The following ATP6V0A2 variants were observed in gnomAD, a reference collection of about 807,000 sequenced individuals.
ATP6V0A2 encodes V-type proton ATPase 116 kDa subunit a 2.
ATP6V0A2 carries 58 observed loss-of-function variants against 104.4 expected under a neutral mutation model. The observed-to-expected ratio is 0.56, with a 90% CI of 0.45 to 0.69. The LOEUF (loss-of-function observed/expected upper bound fraction) is 0.69, where lower values mean the gene tolerates loss of function less well. Ranked by LOEUF, ATP6V0A2 falls within the 30% of genes least tolerant of loss-of-function variation. ATP6V0A2 has a pLI of 0.00. For synonymous variants in ATP6V0A2, 376 were observed against 397.9 expected (o/e 0.95, Z 0.65); for missense variants, 938 against 1,062.9 (o/e 0.88, Z 1.63).
chr12:123,755,908 T>C (rs1019241751), intron 18 of ATP6V0A2, among the ~76,000 whole-genome samples: 1 of 151,632 alleles, frequency 6.6e-6, no homozygotes, highest in African/African-American at 2.4e-5. Flanking sequence ...CGTGAAACCC[T>C]GTCTCTACTA....
At chr12:123,748,374 C>CA (rs1303585270) in intron 14 of ATP6V0A2, among the ~76,000 whole-genome samples, 1 of 152,176 alleles carries the variant, frequency 6.6e-6, no homozygotes, top group Non-Finnish European at 1.5e-5. Flanking sequence ...GATTTGACCG[C>CA]AAAAACTGTA....
intron 7 of ATP6V0A2, among the ~76,000 whole-genome samples, chr12:123,735,141 T>TTGTGTGTG (rs1566281667): frequency 1.5e-4 from 12 of 80,464 alleles, no homozygotes; most frequent in African/African-American, 5.7e-4. Context: ...CCTTTTGTTT[T>TTGTGTGTG]CGTGTGTGTG....
At chr12:123,751,958 T>G (rs1956719407) in intron 16 of ATP6V0A2, among the ~76,000 whole-genome samples, 2 of 151,510 alleles carry the variant, frequency 1.3e-5, no homozygotes, top group Non-Finnish European at 2.9e-5. Context: ...CCCTCCGGGT[T>G]CAAGCAATTC....
intron 17 of ATP6V0A2, among the ~76,000 whole-genome samples, chr12:123,752,766 A>T (rs1180398807): frequency 6.6e-6 from 1 of 152,106 alleles, no homozygotes; most frequent in African/African-American, 2.4e-5. Context: ...TTGCGAAGGG[A>T]TTTTACTGGC....
chr12:123,730,080 C>A (rs1352923237), intron 6 of ATP6V0A2, among the ~76,000 whole-genome samples: 2 of 102,064 alleles, frequency 2.0e-5, no homozygotes, highest in African/African-American at 4.0e-5. Flanking sequence ...TTTGAGACAG[C>A]GTCTGGCTCT....
rs1428825657 is a variant in ATP6V0A2, at chr12:123,760,758, G to C, written c.*2726G>C. ...AGTTAAGGAGTGCAAAGGGTGTTCTGTCTGATAGGATCTGGGTGAGCCCTG... is the reference window on the plus strand; with the variant it reads ...AGTTAAGGAGTGCAAAGGGTGTTCTCTCTGATAGGATCTGGGTGAGCCCTG... On this transcript the variant is annotated 3_prime_UTR_variant, in exon 20 of 20. Coordinates refer to ENST00000330342, the MANE Select transcript of ATP6V0A2 (RefSeq NM_012463.4). 6.6e-6 allele frequency: 1 copy of C among 152,204 alleles called. No individual in the cohort carries two copies. Among genetic ancestry groups the C allele is most frequent in the African/African-American group, 2.4e-5 (1 of 41,424 alleles). 9.4% of individuals were successfully genotyped at this position (152,204 alleles called of 1,614,324 possible).
intron 6 of ATP6V0A2, among the ~76,000 whole-genome samples, chr12:123,729,659 G>T (rs1217247770): frequency 6.6e-6 from 1 of 152,108 alleles, no homozygotes; most frequent in Non-Finnish European, 1.5e-5. Context: ...ATGAACTGCT[G>T]ATCTACTAAA....
At chr12:123,723,551 C>G (rs1274535149) in intron 3 of ATP6V0A2, 1 of 151,264 alleles carries the variant, frequency 6.6e-6, no homozygotes, top group Non-Finnish European at 1.5e-5. Context: ...GCCTGTGCCT[C>G]CCGGGTTCAA....
chr12:123,712,386 G>T lies in ATP6V0A2; in HGVS notation c.-180G>T. 1 of 363,514 alleles carries T rather than the reference G, an allele frequency of 2.8e-6. No individual in the cohort carries two copies. The highest frequency in any genetic ancestry group is 4.8e-6 in the Non-Finnish European group (1 of 206,328). 22.5% of individuals were successfully genotyped at this position (363,514 alleles called of 1,614,324 possible). A position where few individuals can be genotyped will look rare whatever the true frequency, so the allele number is the denominator to read the frequency against. ...GCGGACTGCTGTGGCGGCAGCTGGA[G>T]CGGCGGCCGCGGTGGCAGAACCGGG... On this transcript the variant is annotated 5_prime_UTR_variant, in exon 1 of 20. Transcript: ENST00000330342.
chr12:123,739,343 A>G (rs760959478), intron 9 of ATP6V0A2, among the ~76,000 whole-genome samples: 6 of 151,838 alleles, frequency 4.0e-5, no homozygotes, highest in Non-Finnish European at 8.8e-5. Context: ...GTCCTGTGTT[A>G]TTTTTCTCCA....
At position 123,724,756 on chromosome 12, in the gene ATP6V0A2, A is replaced by C. The variant is rs1411657032; in HGVS notation, c.397A>C (p.Arg133=). The C allele has an allele frequency of 3.1e-6, 5 of 1,613,476 alleles. No individual in the cohort carries two copies. Among genetic ancestry groups the C allele is most frequent in the Middle Eastern group, 3.3e-4 (2 of 6,084 alleles). The stretch of plus-strand genomic sequence containing the variant: ...ACTGATAGAGTACACTCACATGCTG[A>C]GAGTGACAAAGACCTTTGTGAAACG... The part of the protein sequence containing the change: ...LELIEYTHML[R]VTKTFVKRNV... Residue 133 remains arginine (R), a synonymous_variant, in exon 4 of 20, where the codon AGA becomes CGA. Transcript: ENST00000330342.
At chr12:123,730,054 T>TC (rs1478644890) in intron 6 of ATP6V0A2, among the ~76,000 whole-genome samples, 14 of 68,328 alleles carry the variant, frequency 2.0e-4, no homozygotes, top group African/African-American at 5.3e-4. Context: ...CTTTTTTTTT[T>TC]TTTTTTTTTT....
chr12:123,721,035 AAC>A (rs1163538849), intron 2 of ATP6V0A2, among the ~76,000 whole-genome samples: 1 of 152,064 alleles, frequency 6.6e-6, no homozygotes, highest in Non-Finnish European at 1.5e-5. Context: ...TCCCTCTGTA[AAC>A]CAGTTAGTAA....
At position 123,744,137 on chromosome 12, in the gene ATP6V0A2, TTGAA is replaced by T; in HGVS notation, c.1190-59_1190-56del. ...TCAAGATTGTTATGTATCATTGTGTTTGAATGAACTCAGGTTTTCCATATTTGCT... is the reference window on the plus strand; with the variant it reads ...TCAAGATTGTTATGTATCATTGTGTTTGAACTCAGGTTTTCCATATTTGCT... On this transcript the variant is annotated intron_variant, in intron 10 of 19. Transcript: ENST00000330342. The surrounding 1 kb of genome is among the most constrained non-coding windows in gnomAD (Gnocchi z 5.4). 1 of 1,603,246 alleles carries T rather than the reference TTGAA, an allele frequency of 6.2e-7. No individual in the cohort carries two copies. Among genetic ancestry groups the T allele is most frequent in the Non-Finnish European group, 8.5e-7 (1 of 1,170,564 alleles).
intron 1 of ATP6V0A2, 72 bp downstream of exon 1, chr12:123,712,754 C>A: frequency 7.5e-7 from 1 of 1,326,948 alleles, no homozygotes; most frequent in Non-Finnish European, 1.1e-6. Context: ...TCGCTGGGGC[C>A]CTCCCGCGGG....
In ATP6V0A2 at chr12:123,718,700, G is replaced by T; in HGVS notation, c.195G>T (p.Leu65Phe). 1 of 1,607,048 alleles carries T rather than the reference G, an allele frequency of 6.2e-7. No individual in the cohort carries two copies. ...GGTGTGAAGAGCTAGAGCGAATATT[G>T]GGTAAGTTTATTTTCTGATTTAACA... ...VKRCEELERI[L>F]VYLVQEINRA... Residue 65 changes from leucine to phenylalanine, a missense_variant and splice_region_variant, in exon 2 of 20, where the codon TTG becomes TTT. By Grantham distance (22) the Leu-to-Phe change is conservative. Coordinates refer to ENST00000330342, the MANE Select transcript of ATP6V0A2 (RefSeq NM_012463.4).
At chr12:123,729,009 T>TGGTCGTGGTCCC (rs1430567551) in intron 6 of ATP6V0A2, among the ~76,000 whole-genome samples, 240 of 151,134 alleles carry the variant, frequency 1.6e-3, no homozygotes, top group Admixed American at 2.4e-3. Context: ...ATTAAGGCAC[T>TGGTCGTGGTCCC]TCTCTTTAGA....
chr12:123,717,449 T>TC (rs148118721), intron 1 of ATP6V0A2, among the ~76,000 whole-genome samples: 64,140 of 133,600 alleles, frequency 0.48, 16,471 homozygotes, highest in East Asian at 0.92. Context: ...TTTCTTTCTT[T>TC]TTTTTTTTTT....
chr12:123,723,652 G>T (rs1956421249), intron 3 of ATP6V0A2: 1 of 151,688 alleles, frequency 6.6e-6, no homozygotes, highest in African/African-American at 2.4e-5. Flanking sequence ...GTAGAGATGG[G>T]GTTTTACCAT....
Sources: gnomAD v4.1 joint callset for allele counts (sites outside exome capture counted in the v4.1 genomes callset) on GRCh38, gnomAD v4.1.1 for gene constraint, Gnocchi (gnomAD v3.1) non-coding constraint, MANE v1.5 for transcripts, NCBI Gene and HGNC (gene_info 2026-07-23, HGNC 2026-07-21) for gene names.